C11orf65: variants seen among roughly 807,000 people sequenced by gnomAD.
The protein encoded by C11orf65 is protein MFI.
Under a neutral mutation model 35.3 loss-of-function variants are expected in C11orf65, and 38 were observed. The observed-to-expected ratio is 1.08, with a 90% CI of 0.83 to 1.41. C11orf65 has a LOEUF of 1.41. Among genes scored for constraint, C11orf65 ranks in the 40% most tolerant of loss-of-function variants. The pLI is 0.00. For missense variants in C11orf65, 370 were observed against 367.1 expected (o/e 1.01, Z -0.06); for synonymous variants, 105 against 114.4 (o/e 0.92, Z 0.53).
chr11:108,417,499 A>G (rs2092752993), intron 3 of C11orf65, among the ~76,000 whole-genome samples: 5 of 151,910 alleles, frequency 3.3e-5, no homozygotes, highest in Admixed American at 3.3e-4. Flanking sequence ...GCTGAGATAG[A>G]TAGTGCCACT....
chr11:108,335,300 A>T (rs1022444077), intron 2 of C11orf65: 3 of 1,500,646 alleles, frequency 2.0e-6, no homozygotes, highest in Non-Finnish European at 2.7e-6. Context: ...TCTCTGAAAG[A>T]CAATCATTAT....
At chr11:108,404,955 G>A (rs1472817536) in intron 6 of C11orf65, among the ~76,000 whole-genome samples, 1 of 152,220 alleles carries the variant, frequency 6.6e-6, no homozygotes, top group Non-Finnish European at 1.5e-5. Context: ...CTCGGTAACA[G>A]ACCGGGCCGA....
chr11:108,452,050 C>A (rs536012678), intron 2 of C11orf65, among the ~76,000 whole-genome samples: 1 of 152,226 alleles, frequency 6.6e-6, no homozygotes, highest in South Asian at 2.1e-4. Flanking sequence ...ACCATAAAAA[C>A]CCTAGAAGAA....
At chr11:108,339,510 G>C (rs778905838) in intron 2 of C11orf65, among the ~76,000 whole-genome samples, 4 of 152,056 alleles carry the variant, frequency 2.6e-5, no homozygotes, top group Non-Finnish European at 5.9e-5. Context: ...TGAGAAAATA[G>C]TCATCAGTCC....
intron 2 of C11orf65, chr11:108,354,769 G>T: frequency 6.6e-7 from 1 of 1,509,516 alleles, no homozygotes; most frequent in Non-Finnish European, 9.2e-7. Flanking sequence ...TGACAACATT[G>T]GTGTGTAACA....
chr11:108,312,005 CT>C, intron 6 of C11orf65, among the ~76,000 whole-genome samples: 1 of 152,170 alleles, frequency 6.6e-6, no homozygotes, highest in African/African-American at 2.4e-5. Flanking sequence ...TATCAGATGT[CT>C]TAAATTTATA....
intron 3 of C11orf65, among the ~76,000 whole-genome samples, chr11:108,419,834 C>T (rs2092789711): frequency 6.6e-6 from 1 of 152,186 alleles, no homozygotes; most frequent in African/African-American, 2.4e-5. Context: ...AATATTGATC[C>T]TTTCCCTCTG....
At chr11:108,325,265 T>TTTC in intron 6 of C11orf65, 3 of 1,100,006 alleles carry the variant, frequency 2.7e-6, no homozygotes, top group East Asian at 2.4e-5. Context: ...TTTTTTTTTT[T>TTTC]TTTCATTTCT....
rs1038842042 is a variant in C11orf65 at position 108,369,202 on chromosome 11, T to G, written c.226+24006A>C. On this transcript the variant is annotated intron_variant, in intron 2 of 3. Coordinates refer to the C11orf65 transcript ENST00000524755. The stretch of plus-strand genomic sequence containing the variant: ...AGCAGTGAGCAAGGCAGGCATAGTC[T>G]GCCTATATAAAGCTCCCAATCTGAG... 5.2e-5 allele frequency: 8 copies of G among 155,286 alleles called. No individual in the cohort carries two copies. In the East Asian group the frequency reaches 9.0e-4, roughly 18 times the overall value. The allele number at this position is 155,286 out of a possible 1,614,324, so 9.6% of individuals were successfully genotyped here.
intron 3 of C11orf65, chr11:108,332,953 A>C: frequency 6.3e-7 from 1 of 1,576,976 alleles, no homozygotes. Flanking sequence ...TACTCTCTGT[A>C]GAGATATATT....
intron 3 of C11orf65, among the ~76,000 whole-genome samples, chr11:108,422,332 A>G (rs1369326888): frequency 6.6e-6 from 1 of 152,212 alleles, no homozygotes; most frequent in Non-Finnish European, 1.5e-5. Flanking sequence ...GTGGAAATAA[A>G]AAGCATTCAA....
At chr11:108,422,759 G>A (rs142035603) in intron 3 of C11orf65, among the ~76,000 whole-genome samples, 2,898 of 152,018 alleles carry the variant, frequency 0.019, 93 homozygotes, top group African/African-American at 0.066. Context: ...GCGGGCACCT[G>A]TAGTCCCAGC....
chr11:108,419,645 T>A lies in C11orf65; in HGVS notation c.174+12101A>T, dbSNP rs548008618. Among the ~76,000 whole-genome samples the A allele has an allele frequency of 5.3e-5, 8 of 152,262 alleles. No individual in the cohort carries two copies. In the South Asian group the frequency reaches 6.2e-4, roughly 12 times the overall value. On this transcript the variant is annotated intron_variant, in intron 3 of 8. Coordinates refer to ENST00000393084, the MANE Select transcript of C11orf65 (RefSeq NM_152587.5). ...TGAGCCCAGGAGGTTGAGGCTGCAG[T>A]GAGCTATGATGGCACCAATGCACTC...
intron 2 of C11orf65, among the ~76,000 whole-genome samples, chr11:108,362,302 G>A (rs2090862577): frequency 6.6e-6 from 1 of 150,962 alleles, no homozygotes; most frequent in Non-Finnish European, 1.5e-5. Flanking sequence ...GGAAACAACA[G>A]GTGCTGGAGA....
chr11:108,456,985 C>T (rs78483518), intron 2 of C11orf65, among the ~76,000 whole-genome samples: 1,908 of 152,096 alleles, frequency 0.013, 48 homozygotes, highest in African/African-American at 0.042. Flanking sequence ...ATACTTATAA[C>T]GTAATAGTAC....
rs75249353 is a variant in C11orf65, at chr11:108,390,765, G to C, written c.731+2443C>G. On this transcript the variant is annotated intron_variant, in intron 7 of 8. Transcript: ENST00000393084. ...TGCATCATTATTACCATCTGCATTT[G>C]TTCAGTGTCCCAGGAACTACAGACA... Among the ~76,000 whole-genome samples the C allele has an allele frequency of 4.1e-3, 618 of 152,224 alleles. 7 individuals are homozygous for C. Among genetic ancestry groups the C allele is most frequent in the African/African-American group, 0.013 (544 of 41,536 alleles).
intron 2 of C11orf65, among the ~76,000 whole-genome samples, chr11:108,445,872 GA>G (rs999196903): frequency 6.6e-5 from 10 of 150,902 alleles, no homozygotes; most frequent in African/African-American, 1.2e-4. Flanking sequence ...TAAAAACTTT[GA>G]AAAAAAAATT....
At chr11:108,367,481 ACAT>A in intron 2 of C11orf65, 1 of 204,636 alleles carries the variant, frequency 4.9e-6, no homozygotes. Context: ...TATAAGATAA[ACAT>A]CAGATAAAAA....
At chr11:108,334,248 C>T (rs567252962) in intron 3 of C11orf65, among the ~76,000 whole-genome samples, 4 of 152,072 alleles carry the variant, frequency 2.6e-5, no homozygotes, top group Non-Finnish European at 5.9e-5. Context: ...GGAGAGTTTC[C>T]GTGTGCTTAT....
Sources: gnomAD v4.1 joint callset for allele counts (sites outside exome capture counted in the v4.1 genomes callset) on GRCh38, gnomAD v4.1.1 for gene constraint, MANE v1.5 for transcripts, NCBI Gene and HGNC (gene_info 2026-07-23, HGNC 2026-07-21) for gene names.